The following ACBD5 variants were observed in gnomAD, a reference collection of about 807,000 sequenced individuals.
ACBD5 encodes acyl-CoA-binding domain-containing protein 5.
A neutral mutation model predicts 71.8 loss-of-function variants in ACBD5; 40 were observed. That is an observed-to-expected ratio of 0.56 (90% CI 0.43 to 0.72). The LOEUF (loss-of-function observed/expected upper bound fraction) is 0.72. Ranked by LOEUF, ACBD5 falls within the 30% of genes least tolerant of loss-of-function variation. The pLI is 0.00. For synonymous variants in ACBD5, 229 were observed against 218.6 expected, an observed-to-expected ratio of 1.05 and a Z score of -0.42; for missense variants, 559 against 644.5, an observed-to-expected ratio of 0.87 and a Z score of 1.44.
chr10:27,229,481 A>G (rs1450371484), intron 4 of ACBD5, among the ~76,000 whole-genome samples: 1 of 151,990 alleles, frequency 6.6e-6, no homozygotes, highest in East Asian at 1.9e-4. Flanking sequence ...AATCCCAGCT[A>G]CTCGGGAGGC....
downstream of ACBD5, among the ~76,000 whole-genome samples, chr10:27,190,627 A>G (rs1410136990): frequency 1.1e-5 from 1 of 89,008 alleles, no homozygotes; most frequent in African/African-American, 4.5e-5. Flanking sequence ...AAAAATGCTG[A>G]GAGTCCAGAA....
rs575388252 is a variant in ACBD5 at position 27,215,058 on chromosome 10, G to A, written c.936+477C>T. ...ACATGCCTGTAATCCCAGCTACTTGGGAGGCTGAGGCAGGAGAATTGCTTG... is the reference window on the plus strand; with the variant it reads ...ACATGCCTGTAATCCCAGCTACTTGAGAGGCTGAGGCAGGAGAATTGCTTG... On this transcript the variant is annotated intron_variant, in intron 8 of 12. Transcript: ENST00000396271. Among the ~76,000 whole-genome samples the A allele has an allele frequency of 1.3e-4, 20 of 152,218 alleles. No individual in the cohort carries two copies. The East Asian group carries it at 3.9e-3, about 29-fold the overall frequency.
chr10:27,229,784 T>G (rs967781799), intron 4 of ACBD5, among the ~76,000 whole-genome samples: 11 of 152,212 alleles, frequency 7.2e-5, no homozygotes, highest in African/African-American at 2.7e-4. Flanking sequence ...ATCTTGATAT[T>G]TTTAGGTTTA....
downstream of ACBD5, among the ~76,000 whole-genome samples, chr10:27,192,258 A>G (rs1246519986): frequency 6.6e-6 from 1 of 151,616 alleles, no homozygotes; most frequent in African/African-American, 2.4e-5. Flanking sequence ...TTTTTTTTTA[A>G]GTCTACATCC....
At chr10:27,187,437 C>A (rs921352601) in intron 13 of ACBD5, among the ~76,000 whole-genome samples, 2 of 152,140 alleles carry the variant, frequency 1.3e-5, no homozygotes, top group Non-Finnish European at 2.9e-5. Context: ...GGTGCGTAGT[C>A]CACAATATGT....
intron 8 of ACBD5, among the ~76,000 whole-genome samples, chr10:27,212,644 T>C (rs2061224361): frequency 6.6e-6 from 1 of 150,850 alleles, no homozygotes; most frequent in Non-Finnish European, 1.5e-5. Flanking sequence ...AGTGGTGCGA[T>C]CTTGGCTCAT....
At chr10:27,183,695 C>T (rs1437387799) in intron 13 of ACBD5, among the ~76,000 whole-genome samples, 1 of 152,006 alleles carries the variant, frequency 6.6e-6, no homozygotes, top group Non-Finnish European at 1.5e-5. Context: ...TAGGTGTTCC[C>T]TGTAATAATT....
At chr10:27,227,009 A>ATTTTTTTTTTTTT (rs56406048) in intron 4 of ACBD5, among the ~76,000 whole-genome samples, 18 of 78,400 alleles carry the variant, frequency 2.3e-4, no homozygotes, top group Non-Finnish European at 3.1e-4. Context: ...TTTTTTTGCG[A>ATTTTTTTTTTTTT]TTTTTTTTTT....
At chr10:27,216,887 C>T (rs2061689716) in intron 7 of ACBD5, among the ~76,000 whole-genome samples, 1 of 152,060 alleles carries the variant, frequency 6.6e-6, no homozygotes, top group East Asian at 1.9e-4. Context: ...TGGCTCACGC[C>T]TGTAATCTCA....
chr10:27,187,117 T>A (rs2058810977), intron 13 of ACBD5, among the ~76,000 whole-genome samples: 1 of 151,930 alleles, frequency 6.6e-6, no homozygotes, highest in African/African-American at 2.4e-5. Context: ...CTGGCCAACA[T>A]AATGAAACCC....
At chr10:27,229,789 G>T (rs2063614607) in intron 4 of ACBD5, among the ~76,000 whole-genome samples, 1 of 152,052 alleles carries the variant, frequency 6.6e-6, no homozygotes, top group Non-Finnish European at 1.5e-5. Context: ...GATATTTTTA[G>T]GTTTACCTCT....
intron 13 of ACBD5, among the ~76,000 whole-genome samples, chr10:27,183,659 A>T (rs2058459254): frequency 6.6e-6 from 1 of 152,174 alleles, no homozygotes; most frequent in South Asian, 2.1e-4. Flanking sequence ...AATGAGCTTC[A>T]GAAATGTGTC....
intron 4 of ACBD5, 52 bp from the exon 5 acceptor site, chr10:27,223,504 T>C: frequency 7.9e-7 from 1 of 1,261,930 alleles, no homozygotes; most frequent in East Asian, 2.3e-5. Flanking sequence ...TAATTTGATC[T>C]CCACTAATAT....
intron 5 of ACBD5, among the ~76,000 whole-genome samples, chr10:27,221,780 T>A (rs896461352): frequency 6.6e-6 from 1 of 151,854 alleles, no homozygotes; most frequent in Non-Finnish European, 1.5e-5. Flanking sequence ...CATACAAGAA[T>A]ACAAGTGTAC....
At chr10:27,223,572 A>G in intron 4 of ACBD5, 120 bp from the exon 5 acceptor site, 1 of 787,208 alleles carries the variant, frequency 1.3e-6, no homozygotes, top group East Asian at 2.7e-5. Context: ...TTCATAATAG[A>G]CTCTCTGAAG....
Position 27,235,081 on chromosome 10 carries a change from C to T in ACBD5, c.302+11G>A. 1 of 1,613,522 alleles carries T rather than the reference C, an allele frequency of 6.2e-7. No individual in the cohort carries two copies. The highest frequency in any genetic ancestry group is 8.5e-7 in the Non-Finnish European group (1 of 1,179,646). On this transcript the variant is annotated intron_variant, in intron 3 of 12. Coordinates refer to ENST00000396271, the MANE Select transcript of ACBD5 (RefSeq NM_145698.5). ...ATTTAAATTCTTGCATAGCTCTACACAAAAAATTACCATTTATATCTTCCA... is the reference window on the plus strand; with the variant it reads ...ATTTAAATTCTTGCATAGCTCTACATAAAAAATTACCATTTATATCTTCCA...
intron 8 of ACBD5, among the ~76,000 whole-genome samples, chr10:27,215,251 G>GTT (rs1324550500): frequency 1.3e-5 from 2 of 151,996 alleles, no homozygotes; most frequent in Non-Finnish European, 2.9e-5. Context: ...CATAAAAAGT[G>GTT]TTTTCTCTGC....
chr10:27,234,345 A>G lies in ACBD5; in HGVS notation c.302+747T>C, dbSNP rs182148314. 2.2e-3 allele frequency among the ~76,000 whole-genome samples: 328 copies of G among 152,338 alleles called. 4 individuals carry two copies. The highest frequency in any genetic ancestry group is 7.6e-3 in the African/African-American group (317 of 41,572). ...GAAGTGACAGCTTAGATAAAAAGTT[A>G]GCATGGCAGTACCTGAGTCATATTC... is the stretch of plus-strand genomic sequence containing the variant. On this transcript the variant is annotated intron_variant, in intron 3 of 12. Coordinates refer to ENST00000396271, the MANE Select transcript of ACBD5 (RefSeq NM_145698.5).
downstream of ACBD5, among the ~76,000 whole-genome samples, chr10:27,192,474 G>A: frequency 6.6e-6 from 1 of 152,062 alleles, no homozygotes; most frequent in East Asian, 1.9e-4. Context: ...TGAGTCACAT[G>A]TCCATTACTG....
Sources: gnomAD v4.1 joint callset for allele counts (sites outside exome capture counted in the v4.1 genomes callset) on GRCh38, gnomAD v4.1.1 for gene constraint, MANE v1.5 for transcripts, NCBI Gene and HGNC (gene_info 2026-07-23, HGNC 2026-07-21) for gene names.